TMEM266: variants seen among roughly 807,000 people sequenced by gnomAD.
TMEM266 encodes the protein Hv1 related protein 1.
A neutral mutation model predicts 50.5 loss-of-function variants in TMEM266; 33 were observed. The ratio of observed to expected loss-of-function variants is 0.65; its 90% CI spans 0.50 to 0.87. The LOEUF is 0.87. Among genes scored for constraint, TMEM266 ranks in the 40% least tolerant of loss-of-function variants. TMEM266 has a pLI of 0.00. For missense variants in TMEM266, 655 were observed against 695.1 expected (o/e 0.94, Z 0.65); for synonymous variants, 310 against 292.3 (o/e 1.06, Z -0.62).
At chr15:76,090,773 G>T (rs941581458) in intron 1 of TMEM266, among the ~76,000 whole-genome samples, 5 of 152,088 alleles carry the variant, frequency 3.3e-5, no homozygotes, top group African/African-American at 1.2e-4. Flanking sequence ...GTGAGGAAGA[G>T]GGTAGGACAG....
intron 9 of TMEM266, among the ~76,000 whole-genome samples, chr15:76,197,543 C>T (rs1018528601): frequency 1.3e-5 from 2 of 152,194 alleles, no homozygotes; most frequent in Non-Finnish European, 2.9e-5. Context: ...CAAAATGAAA[C>T]AGGTGTAGAA....
intron 1 of TMEM266, among the ~76,000 whole-genome samples, chr15:76,071,429 G>A (rs1053876189): frequency 6.6e-6 from 1 of 152,164 alleles, no homozygotes; most frequent in African/African-American, 2.4e-5. Context: ...GAGTCACTGG[G>A]CAGTGTGAGG....
intron 1 of TMEM266, among the ~76,000 whole-genome samples, chr15:76,133,386 A>T (rs1322482059): frequency 2.0e-5 from 3 of 152,190 alleles, no homozygotes; most frequent in Non-Finnish European, 4.4e-5. Context: ...CAGTGAGCTG[A>T]TATCATGCCA....
At chr15:76,072,707 G>A (rs555545596) in intron 1 of TMEM266, among the ~76,000 whole-genome samples, 10 of 151,450 alleles carry the variant, frequency 6.6e-5, no homozygotes, top group African/African-American at 2.2e-4. Flanking sequence ...GCATGATCTC[G>A]GCTTACTGCA....
intron 1 of TMEM266, among the ~76,000 whole-genome samples, chr15:76,080,520 A>G (rs2036675388): frequency 6.6e-6 from 1 of 151,426 alleles, no homozygotes; most frequent in Admixed American, 6.6e-5. Flanking sequence ...AAGTGCTGGG[A>G]TTACAGGCGT....
chr15:76,098,499 G>GT (rs1214509445), intron 1 of TMEM266, among the ~76,000 whole-genome samples: 1 of 152,100 alleles, frequency 6.6e-6, no homozygotes, highest in African/African-American at 2.4e-5. Flanking sequence ...GAGCTCTCCT[G>GT]TATGAGGTGT....
In TMEM266 at chr15:76,169,973, T is replaced by C. The variant is rs990660200; in HGVS notation, c.513+101T>C. On this transcript the variant is annotated intron_variant, in intron 6 of 10. Transcript: ENST00000388942. ...CCAGGGTGGACACCATCAAGAAGGC[T>C]GGTTCCTTCTCCCACTTGACCTCTG... is the stretch of plus-strand genomic sequence containing the variant. 161 of 1,278,410 alleles carry C rather than the reference T, an allele frequency of 1.3e-4. 1 individual carries two copies. Among genetic ancestry groups the C allele is most frequent in the Non-Finnish European group, 1.8e-4 (159 of 892,376 alleles). 79.2% of individuals were successfully genotyped at this position (1,278,410 alleles called of 1,614,324 possible).
chr15:76,075,020 G>A (rs2036585822), intron 1 of TMEM266, among the ~76,000 whole-genome samples: 2 of 152,076 alleles, frequency 1.3e-5, no homozygotes, highest in African/African-American at 4.8e-5. Context: ...AGATAGAGGA[G>A]GAGCAGATTT....
intron 8 of TMEM266, among the ~76,000 whole-genome samples, chr15:76,187,255 C>G (rs1445087720): frequency 1.3e-5 from 2 of 152,260 alleles, no homozygotes; most frequent in Non-Finnish European, 2.9e-5. Context: ...TGGGGCTGGG[C>G]AAGCCCTGAC....
intron 4 of TMEM266, 39 bp downstream of exon 4, chr15:76,156,797 T>C: frequency 6.3e-7 from 1 of 1,594,996 alleles, no homozygotes; most frequent in Non-Finnish European, 8.6e-7. Flanking sequence ...ATACATATGA[T>C]GTCAATATTC....
At position 76,106,821 on chromosome 15, in the gene TMEM266, CAT is replaced by C. The variant is rs1288374134; in HGVS notation, c.-96-27345_-96-27344del. ...CTAATTATCATATGCATTTACCTCA[CAT>C]ACTTATTTTGTGTGTGTGTGTTGAG... On this transcript the variant is annotated intron_variant, in intron 1 of 10. Coordinates refer to ENST00000388942, the MANE Select transcript of TMEM266 (RefSeq NM_152335.3). Among the ~76,000 whole-genome samples, 3 of 152,306 alleles carry C rather than the reference CAT, an allele frequency of 2.0e-5. No homozygotes were observed. The East Asian group carries it at 5.8e-4, about 29-fold the overall frequency.
intron 1 of TMEM266, among the ~76,000 whole-genome samples, chr15:76,069,351 C>T (rs1415104609): frequency 6.6e-6 from 1 of 152,062 alleles, no homozygotes; most frequent in African/African-American, 2.4e-5. Flanking sequence ...GGTGATGAAC[C>T]ACCTCAAAGC....
chr15:76,083,092 A>G (rs1272097612), intron 1 of TMEM266, among the ~76,000 whole-genome samples: 1 of 151,994 alleles, frequency 6.6e-6, no homozygotes, highest in Non-Finnish European at 1.5e-5. Context: ...TGACCCAAGC[A>G]CCTCCCACTA....
chr15:76,130,136 C>A (rs1488399040), intron 1 of TMEM266, among the ~76,000 whole-genome samples: 1 of 139,374 alleles, frequency 7.2e-6, no homozygotes, highest in Non-Finnish European at 1.5e-5. Flanking sequence ...GGGGGGATCA[C>A]TTTTAGCCCA....
intron 7 of TMEM266, among the ~76,000 whole-genome samples, chr15:76,171,947 C>T (rs183038605): frequency 5.3e-5 from 8 of 152,170 alleles, no homozygotes; most frequent in South Asian, 2.1e-4. Context: ...CAGAGGATGA[C>T]GACAGAGGCA....
intron 1 of TMEM266, among the ~76,000 whole-genome samples, chr15:76,129,492 T>A (rs954446148): frequency 6.6e-6 from 1 of 151,648 alleles, no homozygotes; most frequent in African/African-American, 2.4e-5. Flanking sequence ...AAATACAAAA[T>A]TAGCCGGGCG....
At chr15:76,188,421 G>A (rs1040810690) in intron 8 of TMEM266, among the ~76,000 whole-genome samples, 9 of 152,070 alleles carry the variant, frequency 5.9e-5, no homozygotes, top group Non-Finnish European at 1.0e-4. Context: ...TGGCCAACAC[G>A]GTGAAACCCT....
At chr15:76,159,115 C>G (rs990523463) in intron 4 of TMEM266, among the ~76,000 whole-genome samples, 4 of 152,202 alleles carry the variant, frequency 2.6e-5, no homozygotes, top group African/African-American at 9.7e-5. Flanking sequence ...CTGCCTCTCA[C>G]CCCCTCTCAG....
intron 1 of TMEM266, among the ~76,000 whole-genome samples, chr15:76,126,345 G>A (rs1471395512): frequency 2.1e-5 from 3 of 145,078 alleles, no homozygotes; most frequent in African/African-American, 7.8e-5. Flanking sequence ...ACAAATATGT[G>A]TGTGTACACA....
Sources: allele counts gnomAD v4.1 joint callset (sites outside exome capture counted in the v4.1 genomes callset), GRCh38; gene constraint gnomAD v4.1.1; transcripts MANE v1.5; gene names NCBI Gene and HGNC (gene_info 2026-07-23, HGNC 2026-07-21).